Variants in TRDN observed in about 807,000 individuals in gnomAD.
The protein encoded by TRDN is triadin, also known as triadin in skeletal muscle.
Under a neutral mutation model 149.7 loss-of-function variants are expected in TRDN, and 161 were observed. The ratio of observed to expected loss-of-function variants is 1.08; its 90% CI spans 0.95 to 1.23. The LOEUF is 1.23. Ranked by LOEUF, TRDN falls within the 50% of genes most tolerant of loss-of-function variation. The probability of loss-of-function intolerance (pLI) is 0.00; values close to 1 mark genes in which losing one functional copy is unlikely to be tolerated. For synonymous variants in TRDN, 294 were observed against 250.5 expected (o/e 1.17, Z -1.64); for missense variants, 896 against 823.5 (o/e 1.09, Z -1.08).
chr6:123,535,173 G>GA (rs1780465528), intron 4 of TRDN, among the ~76,000 whole-genome samples: 2 of 151,972 alleles, frequency 1.3e-5, no homozygotes, highest in African/African-American at 4.8e-5. Flanking sequence ...AAAAGACACG[G>GA]AAAAAAAGTT....
chr6:123,428,739 A>C (rs576361121), intron 12 of TRDN, among the ~76,000 whole-genome samples: 5 of 152,144 alleles, frequency 3.3e-5, no homozygotes, highest in Admixed American at 6.6e-5. Context: ...TCACTCACCT[A>C]CCACAAAAGA....
chr6:123,415,410 A>G (rs1168009428), intron 12 of TRDN, among the ~76,000 whole-genome samples: 3 of 152,202 alleles, frequency 2.0e-5, no homozygotes, highest in Non-Finnish European at 2.9e-5. Flanking sequence ...CGTTAGAACC[A>G]TTAGAGTCTT....
At chr6:123,465,130 A>T in intron 9 of TRDN, 147 bp from the exon 10 acceptor site, 1 of 892,602 alleles carries the variant, frequency 1.1e-6, no homozygotes, top group Non-Finnish European at 1.6e-6. Flanking sequence ...AAAGAAAGCT[A>T]TTATTAAGGG....
chr6:123,465,785 C>A (rs564325983), intron 9 of TRDN, among the ~76,000 whole-genome samples: 1 of 152,226 alleles, frequency 6.6e-6, no homozygotes, highest in South Asian at 2.1e-4. Flanking sequence ...TAAACTTCTG[C>A]TGTGTGTTTT....
At chr6:123,461,520 T>C (rs1464104641) in intron 10 of TRDN, among the ~76,000 whole-genome samples, 7 of 152,210 alleles carry the variant, frequency 4.6e-5, no homozygotes, top group African/African-American at 1.7e-4. Flanking sequence ...GGTAATTTTA[T>C]ACTAAATGCC....
chr6:123,493,664 T>C (rs973031433), intron 9 of TRDN, among the ~76,000 whole-genome samples: 2 of 152,136 alleles, frequency 1.3e-5, no homozygotes, highest in Non-Finnish European at 2.9e-5. Flanking sequence ...AGCTAAACAA[T>C]ACAGGTGTTA....
At chr6:123,404,709 C>T (rs893108434) in intron 12 of TRDN, among the ~76,000 whole-genome samples, 5 of 152,000 alleles carry the variant, frequency 3.3e-5, no homozygotes, top group Admixed American at 1.3e-4. Flanking sequence ...CTTCCCAAAG[C>T]GCTGGGATTA....
At chr6:123,538,346 T>C (rs1276392978) in intron 4 of TRDN, among the ~76,000 whole-genome samples, 2 of 152,200 alleles carry the variant, frequency 1.3e-5, no homozygotes, top group African/African-American at 4.8e-5. Flanking sequence ...GTTATCTATT[T>C]AGTGGCTAAT....
intron 20 of TRDN, among the ~76,000 whole-genome samples, chr6:123,357,728 T>A (rs1780737992): frequency 2.0e-5 from 3 of 152,108 alleles, no homozygotes; most frequent in Non-Finnish European, 4.4e-5. Context: ...GAAATACATA[T>A]TTTTTAGTTA....
chr6:123,359,094 T>C (rs987543580), intron 20 of TRDN, among the ~76,000 whole-genome samples: 2 of 152,078 alleles, frequency 1.3e-5, no homozygotes, highest in Non-Finnish European at 2.9e-5. Flanking sequence ...TCACTAATTA[T>C]GAAAGAAAAA....
At chr6:123,491,810 T>C (rs1000274601) in intron 9 of TRDN, among the ~76,000 whole-genome samples, 2 of 152,302 alleles carry the variant, frequency 1.3e-5, no homozygotes, top group Admixed American at 1.3e-4. Context: ...AGTGAATATG[T>C]TTTTATGGAA....
intron 12 of TRDN, among the ~76,000 whole-genome samples, chr6:123,434,663 G>A (rs894754518): frequency 6.6e-6 from 1 of 152,130 alleles, no homozygotes; most frequent in African/African-American, 2.4e-5. Context: ...TACAAACCTA[G>A]AGAGATGTTT....
chr6:123,448,325 G>T (rs993209538), intron 10 of TRDN, among the ~76,000 whole-genome samples: 1 of 152,244 alleles, frequency 6.6e-6, no homozygotes, highest in East Asian at 1.9e-4. Context: ...GCTGGAAGGT[G>T]GGTAGCCTCG....
At chr6:123,500,527 T>C (rs1583152927) in intron 8 of TRDN, among the ~76,000 whole-genome samples, 1 of 152,278 alleles carries the variant, frequency 6.6e-6, no homozygotes, top group Admixed American at 6.5e-5. Context: ...ATCTAAATTG[T>C]CCTGCCATTC....
At chr6:123,235,025 T>TC (rs536540183) in intron 38 of TRDN, among the ~76,000 whole-genome samples, 1 of 151,502 alleles carries the variant, frequency 6.6e-6, no homozygotes, top group African/African-American at 2.4e-5. Context: ...TTCATATTTC[T>TC]CCCCCCAAAA....
chr6:123,286,526 G>T (rs1326255304), intron 24 of TRDN, among the ~76,000 whole-genome samples: 1 of 152,048 alleles, frequency 6.6e-6, no homozygotes, highest in Non-Finnish European at 1.5e-5. Flanking sequence ...GGACCAGTTT[G>T]AAAGGGAGGG....
At chr6:123,397,266 AG>A (rs1297258368) in intron 12 of TRDN, among the ~76,000 whole-genome samples, 1 of 152,210 alleles carries the variant, frequency 6.6e-6, no homozygotes, top group African/African-American at 2.4e-5. Context: ...CAGGAGAATG[AG>A]TAGCAGCAGA....
chr6:123,230,087 G>A (rs146499780), intron 38 of TRDN, among the ~76,000 whole-genome samples: 10 of 151,916 alleles, frequency 6.6e-5, no homozygotes, highest in East Asian at 3.9e-4. Context: ...ACATGCACAC[G>A]TATGTTTACA....
rs193170192 is a variant in TRDN at position 123,435,251 on chromosome 6, G to T, written c.1051+2812C>A. On this transcript the variant is annotated intron_variant, in intron 12 of 40. Coordinates refer to ENST00000334268, the MANE Select transcript of TRDN (RefSeq NM_006073.4). ...AAATTTGCTATTTGGGGCTACAGTAGTGAGATCATATGCTCTGCCATGTTC... is the reference window on the plus strand; with the variant it reads ...AAATTTGCTATTTGGGGCTACAGTATTGAGATCATATGCTCTGCCATGTTC... 8.4e-4 allele frequency among the ~76,000 whole-genome samples: 127 copies of T among 151,958 alleles called. 1 individual carries two copies. The highest frequency in any genetic ancestry group is 3.5e-3 in the Middle Eastern group (1 of 288).
Sources: gnomAD v4.1 joint callset for allele counts (sites outside exome capture counted in the v4.1 genomes callset) on GRCh38, gnomAD v4.1.1 for gene constraint, MANE v1.5 for transcripts, NCBI Gene and HGNC (gene_info 2026-07-23, HGNC 2026-07-21) for gene names.